The following GLT8D2 variants were observed in gnomAD, a reference collection of about 807,000 sequenced individuals.
GLT8D2 encodes the protein glycosyltransferase 8 domain containing 2, also known as glycosyltransferase 8 domain-containing protein 2.
A neutral mutation model predicts 44.5 loss-of-function variants in GLT8D2; 45 were observed. The observed-to-expected ratio is 1.01, with a 90% confidence interval of 0.80 to 1.30. The LOEUF is 1.30. Among genes scored for constraint, GLT8D2 ranks in the 50% most tolerant of loss-of-function variants. The pLI is 0.00. For synonymous variants in GLT8D2, 156 were observed against 157.2 expected, an observed-to-expected ratio of 0.99 and a Z score of 0.06; for missense variants, 400 against 430.4, an observed-to-expected ratio of 0.93 and a Z score of 0.62.
upstream of GLT8D2, among the ~76,000 whole-genome samples, chr12:104,050,546 GT>G (rs1408933775): frequency 6.6e-6 from 1 of 152,146 alleles, no homozygotes; most frequent in Non-Finnish European, 1.5e-5. Flanking sequence ...AGGATGGAGT[GT>G]TTTTGTGCCT....
intron 1 of GLT8D2, among the ~76,000 whole-genome samples, chr12:104,032,755 G>T (rs1028045569): frequency 2.6e-5 from 4 of 151,856 alleles, no homozygotes; most frequent in Non-Finnish European, 4.4e-5. Context: ...CAATATGGAG[G>T]TCTCTCAAAA....
At chr12:103,997,755 A>C (rs1873645395) in intron 6 of GLT8D2, among the ~76,000 whole-genome samples, 1 of 152,138 alleles carries the variant, frequency 6.6e-6, no homozygotes, top group Admixed American at 6.5e-5. Flanking sequence ...CCGTTCTCCT[A>C]GATACAAACC....
At chr12:104,055,758 C>A (rs1882133705) in intron 1 of GLT8D2, among the ~76,000 whole-genome samples, 1 of 152,204 alleles carries the variant, frequency 6.6e-6, no homozygotes, top group Admixed American at 6.5e-5. Flanking sequence ...TCTATTAAAG[C>A]TGATAAGTTT....
intron 8 of GLT8D2, 35 bp downstream of exon 8, chr12:103,996,700 G>T: frequency 6.9e-7 from 1 of 1,457,834 alleles, no homozygotes; most frequent in Non-Finnish European, 9.6e-7. Context: ...GAGTTGTAGA[G>T]TGAAGGGAGG....
At chr12:104,045,923 GAAAGAAAGAAAGAA>G (rs1881058972) in intron 1 of GLT8D2, among the ~76,000 whole-genome samples, 9 of 145,624 alleles carry the variant, frequency 6.2e-5, no homozygotes, top group East Asian at 2.0e-4. Context: ...AAGAAAGAAA[GAAAGAAAGAAAGAA>G]AAAGAAAGAA....
At chr12:104,039,250 C>G (rs1880276955) in intron 1 of GLT8D2, among the ~76,000 whole-genome samples, 1 of 152,080 alleles carries the variant, frequency 6.6e-6, no homozygotes, top group African/African-American at 2.4e-5. Context: ...GACTTCATGT[C>G]TGAAACACCA....
intron 5 of GLT8D2, among the ~76,000 whole-genome samples, chr12:104,001,148 G>T (rs12820602): frequency 0.092 from 14,025 of 152,140 alleles, 839 homozygotes; most frequent in East Asian, 0.22. Flanking sequence ...CATACTATAC[G>T]AGTTATACTG....
At chr12:104,005,615 A>C (rs1874885875) in intron 4 of GLT8D2, among the ~76,000 whole-genome samples, 1 of 152,256 alleles carries the variant, frequency 6.6e-6, no homozygotes, top group Non-Finnish European at 1.5e-5. Context: ...TTATGCAACC[A>C]ACAGACACAT....
At chr12:104,015,674 G>GT (rs973468211) in intron 3 of GLT8D2, among the ~76,000 whole-genome samples, 13 of 152,060 alleles carry the variant, frequency 8.5e-5, no homozygotes, top group African/African-American at 3.1e-4. Flanking sequence ...AGTTCTAATA[G>GT]TTTTTTGCTG....
chr12:104,019,882 C>T (rs948475750), intron 2 of GLT8D2, among the ~76,000 whole-genome samples: 2 of 152,134 alleles, frequency 1.3e-5, no homozygotes, highest in African/African-American at 4.8e-5. Context: ...ACAAACCTTA[C>T]TAAGGGTCCT....
intron 1 of GLT8D2, among the ~76,000 whole-genome samples, chr12:104,056,585 G>A (rs117344304): frequency 8.5e-5 from 13 of 152,340 alleles, no homozygotes; most frequent in Non-Finnish European, 1.5e-4. Flanking sequence ...CAGACATTGC[G>A]TAAGTATAGC....
chr12:104,045,646 G>C (rs1045168155), intron 1 of GLT8D2, among the ~76,000 whole-genome samples: 1 of 152,150 alleles, frequency 6.6e-6, no homozygotes, highest in Non-Finnish European at 1.5e-5. Flanking sequence ...AAAGAGTTTA[G>C]GCATGTGGCC....
upstream of GLT8D2, among the ~76,000 whole-genome samples, chr12:104,053,841 G>A (rs1304096848): frequency 8.6e-5 from 13 of 150,794 alleles, no homozygotes; most frequent in Admixed American, 1.3e-4. Context: ...CTGAGATTGC[G>A]CCACTGCACT....
At chr12:103,997,914 TACACACACACAC>T (rs59719067) in intron 6 of GLT8D2, among the ~76,000 whole-genome samples, 3,784 of 146,130 alleles carry the variant, frequency 0.026, 84 homozygotes, top group Middle Eastern at 0.059. Flanking sequence ...CAGCCTTAAA[TACACACACACAC>T]ACACACACAC....
At chr12:104,030,166 A>C (rs1319122105) in intron 1 of GLT8D2, among the ~76,000 whole-genome samples, 1 of 152,212 alleles carries the variant, frequency 6.6e-6, no homozygotes, top group Non-Finnish European at 1.5e-5. Flanking sequence ...AACATAGACC[A>C]ATGGGACAGA....
chr12:104,026,316 T>C (rs1369722878), intron 1 of GLT8D2, among the ~76,000 whole-genome samples: 1 of 148,954 alleles, frequency 6.7e-6, no homozygotes, highest in African/African-American at 2.5e-5. Flanking sequence ...GTTCTCAGAG[T>C]ACTATCAGGA....
chr12:104,019,330 G>A (rs1877325942), intron 3 of GLT8D2, among the ~76,000 whole-genome samples: 1 of 151,924 alleles, frequency 6.6e-6, no homozygotes, highest in African/African-American at 2.4e-5. Flanking sequence ...GTCTCTCCAT[G>A]TTACCCAGGC....
chr12:104,021,947 A>AGAG (rs1877832025), intron 1 of GLT8D2, among the ~76,000 whole-genome samples: 5 of 17,712 alleles, frequency 2.8e-4, no homozygotes, highest in African/African-American at 3.8e-4. Context: ...AAGAAGAAGA[A>AGAG]GAAGAAGAGG....
chr12:104,010,949 G>A (rs559547554), intron 4 of GLT8D2, among the ~76,000 whole-genome samples: 3 of 152,322 alleles, frequency 2.0e-5, no homozygotes, highest in Non-Finnish European at 4.4e-5. Context: ...GAAGCACAAG[G>A]TAAAAGGAAA....
Sources: allele counts gnomAD v4.1 joint callset (sites outside exome capture counted in the v4.1 genomes callset), GRCh38; gene constraint gnomAD v4.1.1; transcripts MANE v1.5; gene names NCBI Gene and HGNC (gene_info 2026-07-23, HGNC 2026-07-21).